Variants in PARD3 observed in about 807,000 individuals in gnomAD.
PARD3 encodes par-3 family cell polarity regulator, also known as partitioning defective 3 homolog.
PARD3 carries 75 observed loss-of-function variants against 155.4 expected under a neutral mutation model. The observed-to-expected ratio is 0.48, with a 90% CI of 0.40 to 0.58. The LOEUF (loss-of-function observed/expected upper bound fraction) is 0.58. Among genes scored for constraint, PARD3 ranks in the 20% least tolerant of loss-of-function variants. The pLI, the probability that PARD3 is intolerant of heterozygous loss-of-function variation, is 0.00. For synonymous variants in PARD3, 576 were observed against 610.5 expected (o/e 0.94, Z 0.83); for missense variants, 1,642 against 1,721.7 (o/e 0.95, Z 0.82).
chr10:34,177,705 T>C (rs1222895834), intron 22 of PARD3, among the ~76,000 whole-genome samples: 2 of 152,186 alleles, frequency 1.3e-5, no homozygotes, highest in Non-Finnish European at 2.9e-5. Context: ...CAAGGAGTTC[T>C]CTTGAAAGGG....
chr10:34,634,577 T>C (rs538093498), intron 2 of PARD3, among the ~76,000 whole-genome samples: 1 of 152,170 alleles, frequency 6.6e-6, no homozygotes, highest in African/African-American at 2.4e-5. Flanking sequence ...GCAGGATAGG[T>C]ACAAGGTTTT....
Position 34,189,517 on chromosome 10 carries a change from T to C in PARD3, c.3420-57934A>G, listed in dbSNP as rs539278461. On this transcript the variant is annotated intron_variant, in intron 22 of 24. Transcript: ENST00000374788. ...TCACTGCATTTGCCCCTCTGAGCAC[T>C]TGAAGGAAAATCAATGCCAGCATCA... Among the ~76,000 whole-genome samples the C allele has an allele frequency of 4.6e-5, 7 of 152,266 alleles. No individual in the cohort carries two copies. The South Asian group carries it at 1.2e-3, about 27-fold the overall frequency.
chr10:34,551,906 G>C (rs2084607591), intron 2 of PARD3, among the ~76,000 whole-genome samples: 1 of 152,164 alleles, frequency 6.6e-6, no homozygotes, highest in African/African-American at 2.4e-5. Flanking sequence ...CTCATAGACT[G>C]GAGTAGCAAC....
At chr10:34,406,303 T>C (rs1844469020) in intron 5 of PARD3, among the ~76,000 whole-genome samples, 1 of 152,210 alleles carries the variant, frequency 6.6e-6, no homozygotes, top group South Asian at 2.1e-4. Context: ...AAGAGATCTT[T>C]ATCTCCTTCA....
chr10:34,142,622 TGG>T (rs1564427445), intron 22 of PARD3, among the ~76,000 whole-genome samples: 1 of 145,866 alleles, frequency 6.9e-6, no homozygotes, highest in African/African-American at 2.6e-5. Context: ...GAAAGACGGA[TGG>T]AAGGAAGAAA....
intron 1 of PARD3, among the ~76,000 whole-genome samples, chr10:34,811,877 T>C (rs1218761778): frequency 4.6e-5 from 7 of 152,174 alleles, no homozygotes; most frequent in African/African-American, 1.7e-4. Flanking sequence ...TGCGCCCTCA[T>C]GAGAACGGTC....
intron 22 of PARD3, among the ~76,000 whole-genome samples, chr10:34,186,276 C>CT (rs1310086738): frequency 5.3e-5 from 8 of 151,012 alleles, no homozygotes; most frequent in Non-Finnish European, 1.0e-4. Flanking sequence ...GGAGAGATGG[C>CT]TTGAGCCCAG....
At chr10:34,204,310 A>G (rs1330774662) in intron 22 of PARD3, among the ~76,000 whole-genome samples, 1 of 152,212 alleles carries the variant, frequency 6.6e-6, no homozygotes, top group East Asian at 1.9e-4. Flanking sequence ...CATAAAGGAA[A>G]GAGAGTCCAG....
chr10:34,207,788 T>C (rs1588760910), intron 22 of PARD3, among the ~76,000 whole-genome samples: 1 of 152,184 alleles, frequency 6.6e-6, no homozygotes, highest in Non-Finnish European at 1.5e-5. Flanking sequence ...AAACCCAGCA[T>C]GAATCTAGTT....
At chr10:34,630,260 C>A (rs1181640034) in intron 2 of PARD3, among the ~76,000 whole-genome samples, 2 of 152,184 alleles carry the variant, frequency 1.3e-5, no homozygotes, top group African/African-American at 4.8e-5. Context: ...CACGACCAGG[C>A]CTTGCCTGAT....
intron 1 of PARD3, among the ~76,000 whole-genome samples, chr10:34,804,361 G>C (rs868404634): frequency 3.9e-4 from 59 of 152,284 alleles, no homozygotes; most frequent in African/African-American, 1.3e-3. Flanking sequence ...TTGTCTAGAA[G>C]ATTTTTTTTC....
chr10:34,684,424 G>C (rs999881484), intron 2 of PARD3, among the ~76,000 whole-genome samples: 2 of 152,032 alleles, frequency 1.3e-5, no homozygotes, highest in African/African-American at 2.4e-5. Context: ...TCCAGCTGCC[G>C]AACTAACAGC....
chr10:34,691,446 A>T (rs1283890052), intron 2 of PARD3, among the ~76,000 whole-genome samples: 1 of 152,248 alleles, frequency 6.6e-6, no homozygotes, highest in Non-Finnish European at 1.5e-5. Flanking sequence ...ACCAGATATG[A>T]TATAAACAAA....
intron 1 of PARD3, among the ~76,000 whole-genome samples, chr10:34,745,456 AAGAG>A (rs879828433): frequency 7.1e-6 from 1 of 140,068 alleles, no homozygotes; most frequent in Admixed American, 7.1e-5. Context: ...AAGAGAGAGA[AAGAG>A]AGAGGGAAAG....
At chr10:34,693,949 G>C (rs1234246515) in intron 2 of PARD3, among the ~76,000 whole-genome samples, 6 of 152,110 alleles carry the variant, frequency 3.9e-5, no homozygotes, top group Non-Finnish European at 8.8e-5. Context: ...AAAAGAAAAA[G>C]ACTGTGTTTC....
intron 21 of PARD3, among the ~76,000 whole-genome samples, chr10:34,272,383 G>C (rs561034138): frequency 2.6e-5 from 4 of 152,118 alleles, no homozygotes; most frequent in Admixed American, 2.6e-4. Context: ...GTACAGACTA[G>C]AAAAAAATAT....
Position 34,131,578 on chromosome 10 carries a change from C to A in PARD3, c.3425G>T (p.Arg1142Ile). ...NSKPSPVDSN[R>I]STPSNHDRIQ... Reference sequence around the variant, plus strand: ...CCGATCATGATTGCTAGGAGTTGATCTGTTACTGAAAGAGAGATGAGGCAG... The same window carrying A: ...CCGATCATGATTGCTAGGAGTTGATATGTTACTGAAAGAGAGATGAGGCAG... Residue 1142 changes from arginine to isoleucine, a missense_variant, in exon 23 of 25, where the codon AGA becomes ATA. Around this residue, in one of 3 missense-constraint regions of PARD3, gnomAD observed 1,529 missense variants for 1,587.3 expected, o/e 0.96. Transcript: ENST00000374788. The A allele has an allele frequency of 6.2e-7, 1 of 1,613,794 alleles. No homozygotes were observed. Among genetic ancestry groups the A allele is most frequent in the Non-Finnish European group, 8.5e-7 (1 of 1,179,760 alleles).
chr10:34,492,386 G>T (rs187016976), intron 3 of PARD3, among the ~76,000 whole-genome samples: 1 of 152,040 alleles, frequency 6.6e-6, no homozygotes. Context: ...CCACATTCAC[G>T]CATGGCTCTA....
chr10:34,471,563 T>C (rs745349021), intron 3 of PARD3, among the ~76,000 whole-genome samples: 2 of 152,076 alleles, frequency 1.3e-5, no homozygotes, highest in East Asian at 1.9e-4. Context: ...TACTGACTGA[T>C]TGACTGGTTG....
Sources: allele counts gnomAD v4.1 joint callset (sites outside exome capture counted in the v4.1 genomes callset), GRCh38; gene constraint gnomAD v4.1.1; regional missense constraint gnomAD v4.1.1; transcripts MANE v1.5; gene names NCBI Gene and HGNC (gene_info 2026-07-23, HGNC 2026-07-21).